NTF3: variants seen among roughly 807,000 people sequenced by gnomAD.
NTF3 encodes neurotrophin-3.
In NTF3, 8 loss-of-function variants were observed where a neutral mutation model predicts 26.3. That is an observed-to-expected ratio of 0.30 (90% CI 0.18 to 0.55). The LOEUF is 0.55. Ranked by LOEUF, NTF3 falls within the 20% of genes least tolerant of loss-of-function variation. NTF3 has a pLI of 0.93. For missense variants in NTF3, 276 were observed against 352.9 expected (o/e 0.78, Z 1.75); for synonymous variants, 154 against 145.5 (o/e 1.06, Z -0.42).
chr12:5,464,300 T>C (rs796564587), intron 1 of NTF3, among the ~76,000 whole-genome samples: 4 of 152,288 alleles, frequency 2.6e-5, no homozygotes, highest in African/African-American at 9.6e-5. Context: ...AGGGAAGTGG[T>C]TTCCAGACCT....
At chr12:5,477,744 T>C (rs148936566) in intron 1 of NTF3, among the ~76,000 whole-genome samples, 129 of 152,320 alleles carry the variant, frequency 8.5e-4, no homozygotes, top group Admixed American at 2.5e-3. Context: ...CTCCATTTCC[T>C]TCTTTATTGG....
Position 5,445,288 on chromosome 12 carries a change from A to ATGTGTGTG in NTF3, c.18+12950_18+12957dup, listed in dbSNP as rs200578458. 5.4e-3 allele frequency among the ~76,000 whole-genome samples: 544 copies of ATGTGTGTG among 101,564 alleles called. 10 individuals carry two copies. The highest frequency in any genetic ancestry group is 0.015 in the Admixed American group (141 of 9,250). The allele number at this position is 101,564 out of a possible 152,430, so 66.6% of individuals were successfully genotyped here. A position where few individuals can be genotyped will look rare whatever the true frequency, so the allele number is the denominator to read the frequency against. ...CATAGATGATTCCTTGGATTAAATG[A>ATGTGTGTG]TGTGTGTGTGTATGTGTGTGTGTGT... On this transcript the variant is annotated intron_variant, in intron 1 of 1. Transcript: ENST00000423158.
chr12:5,436,648 G>A (rs1174693189), intron 1 of NTF3, among the ~76,000 whole-genome samples: 1 of 152,166 alleles, frequency 6.6e-6, no homozygotes, highest in Non-Finnish European at 1.5e-5. Flanking sequence ...CACGTATGTA[G>A]GTCATTGTGA....
chr12:5,494,112 A>G lies in NTF3; in HGVS notation c.19-82A>G. Reference sequence around the variant, plus strand: ...CCCTCTCTCGTGCCCTCACAGGGCTACTCAGCCTCAGGTAGCTGGTGCCAG... The same window carrying G: ...CCCTCTCTCGTGCCCTCACAGGGCTGCTCAGCCTCAGGTAGCTGGTGCCAG... On this transcript the variant is annotated intron_variant, in intron 1 of 1. Coordinates refer to ENST00000423158, the MANE Select transcript of NTF3 (RefSeq NM_001102654.2). This position sits in a 1 kb window ranked among gnomAD's most constrained non-coding sequence, Gnocchi z 8.3. 1 of 1,389,528 alleles carries G rather than the reference A, an allele frequency of 7.2e-7. No individual in the cohort carries two copies. Among genetic ancestry groups the G allele is most frequent in the East Asian group, 2.3e-5 (1 of 43,524 alleles). 86.1% of individuals were successfully genotyped at this position (1,389,528 alleles called of 1,614,324 possible). A position where few individuals can be genotyped will look rare whatever the true frequency, so the allele number is the denominator to read the frequency against.
At chr12:5,488,920 A>G (rs911204842) in intron 1 of NTF3, among the ~76,000 whole-genome samples, 3 of 152,226 alleles carry the variant, frequency 2.0e-5, no homozygotes, top group Admixed American at 2.0e-4. Flanking sequence ...GAATTTGCAT[A>G]TTAAAAATTT....
At chr12:5,482,692 C>A (rs1940821519) in intron 1 of NTF3, among the ~76,000 whole-genome samples, 1 of 151,560 alleles carries the variant, frequency 6.6e-6, no homozygotes, top group African/African-American at 2.4e-5. Flanking sequence ...CCCCTTTCCA[C>A]TGTGTCTCTC....
Position 5,433,571 on chromosome 12 carries a change from G to T in NTF3, c.18+1229G>T, listed in dbSNP as rs1940128574. Among the ~76,000 whole-genome samples, 1 of 152,040 alleles carries T rather than the reference G, an allele frequency of 6.6e-6. No homozygotes were observed. The highest frequency in any genetic ancestry group is 2.1e-4 in the South Asian group (1 of 4,822). On this transcript the variant is annotated intron_variant, in intron 1 of 1. Coordinates refer to ENST00000423158, the MANE Select transcript of NTF3 (RefSeq NM_001102654.2). The surrounding 1 kb of genome is among the most constrained non-coding windows in gnomAD (Gnocchi z 4.6). ...GGGAGTTTGGCTGCTGCGTTCATTC[G>T]TCGTCTGCGCTTCAGATGCACGGCA...
rs368410645 is a variant in NTF3 at position 5,492,924 on chromosome 12, G to C, written c.19-1270G>C. On this transcript the variant is annotated intron_variant, in intron 1 of 1. Transcript: ENST00000423158. ...CTATTTTCCCCCTGGACTTAGTAAAGTCTTTCCGAAAATACCAAAGGTGAA... is the reference window on the plus strand; with the variant it reads ...CTATTTTCCCCCTGGACTTAGTAAACTCTTTCCGAAAATACCAAAGGTGAA... Among the ~76,000 whole-genome samples the C allele has an allele frequency of 2.1e-3, 320 of 152,302 alleles. 2 individuals carry two copies. The highest frequency in any genetic ancestry group is 7.2e-3 in the African/African-American group (301 of 41,548).
intron 1 of NTF3, among the ~76,000 whole-genome samples, chr12:5,440,798 T>G (rs765821080): frequency 2.6e-4 from 39 of 152,242 alleles, no homozygotes; most frequent in Non-Finnish European, 4.9e-4. Flanking sequence ...AGATCACATC[T>G]TCCATGACTC....
intron 1 of NTF3, among the ~76,000 whole-genome samples, chr12:5,445,288 ATGTGTGTGTGTATGTGTGTGTGTG>A (rs1283830505): frequency 1.6e-4 from 16 of 101,580 alleles, no homozygotes; most frequent in Non-Finnish European, 3.2e-4. Flanking sequence ...GGATTAAATG[ATGTGTGTGTGTATGTGTGTGTGTG>A]TGTGTGTGTG....
Position 5,458,101 on chromosome 12 carries a change from C to T in NTF3, c.18+25759C>T, listed in dbSNP as rs116675148. Among the ~76,000 whole-genome samples, 518 of 152,246 alleles carry T rather than the reference C, an allele frequency of 3.4e-3. 3 individuals are homozygous for T. The highest frequency in any genetic ancestry group is 0.012 in the African/African-American group (491 of 41,532). ...TTCAACACTGTTCACACTCTCCCCACCTCTCTCTCACTCATACCCCATGCA... is the reference window on the plus strand; with the variant it reads ...TTCAACACTGTTCACACTCTCCCCATCTCTCTCTCACTCATACCCCATGCA... On this transcript the variant is annotated intron_variant, in intron 1 of 1. Transcript: ENST00000423158.
chr12:5,462,766 C>T (rs2121193703), intron 1 of NTF3, among the ~76,000 whole-genome samples: 1 of 152,214 alleles, frequency 6.6e-6, no homozygotes, highest in South Asian at 2.1e-4. Flanking sequence ...TCCTTGTTAC[C>T]CTGGAAGGAC....
intron 1 of NTF3, among the ~76,000 whole-genome samples, chr12:5,457,301 C>G (rs1940464343): frequency 2.6e-5 from 4 of 152,162 alleles, no homozygotes; most frequent in African/African-American, 9.7e-5. Context: ...CTCTTCACAC[C>G]TAACTTCTTT....
chr12:5,432,102 C>G, upstream of NTF3: 6 of 617,408 alleles, frequency 9.7e-6, 1 homozygote, highest in South Asian at 1.1e-4. Flanking sequence ...AGATTCTGTT[C>G]ACGGGACTCA....
intron 1 of NTF3, among the ~76,000 whole-genome samples, chr12:5,448,603 C>G (rs1185806019): frequency 6.6e-6 from 1 of 152,032 alleles, no homozygotes; most frequent in Non-Finnish European, 1.5e-5. Context: ...CTTTTTGTTA[C>G]ATTGTTTTGG....
intron 1 of NTF3, among the ~76,000 whole-genome samples, chr12:5,479,711 A>G (rs1046792561): frequency 6.6e-6 from 1 of 152,168 alleles, no homozygotes; most frequent in African/African-American, 2.4e-5. Flanking sequence ...TCTCTCCCCA[A>G]AAAGCTGGAG....
intron 1 of NTF3, among the ~76,000 whole-genome samples, chr12:5,450,113 A>G (rs1186346722): frequency 3.3e-5 from 5 of 151,994 alleles, no homozygotes; most frequent in Non-Finnish European, 7.4e-5. Context: ...GCCTGGATCC[A>G]CTCCAGTACC....
chr12:5,449,604 C>G (rs747104353), intron 1 of NTF3, among the ~76,000 whole-genome samples: 20 of 152,140 alleles, frequency 1.3e-4, no homozygotes, highest in Non-Finnish European at 2.4e-4. Context: ...GAGAAAACCC[C>G]TAACATTCCT....
At chr12:5,435,495 TTGTAAAAAG>T (rs1225677974) in intron 1 of NTF3, among the ~76,000 whole-genome samples, 3 of 152,192 alleles carry the variant, frequency 2.0e-5, no homozygotes, top group Non-Finnish European at 4.4e-5. Flanking sequence ...ATCTCTGGTT[TTGTAAAAAG>T]TGGGGCATAA....
Sources: gnomAD v4.1 joint callset for allele counts (sites outside exome capture counted in the v4.1 genomes callset) on GRCh38, gnomAD v4.1.1 for gene constraint, Gnocchi (gnomAD v3.1) non-coding constraint, MANE v1.5 for transcripts, NCBI Gene and HGNC (gene_info 2026-07-23, HGNC 2026-07-21) for gene names.